SLC9A2: variants seen among roughly 807,000 people sequenced by gnomAD.
SLC9A2 encodes the protein sodium/hydrogen exchanger 2.
SLC9A2 carries 42 observed loss-of-function variants against 71.7 expected under a neutral mutation model. That is an observed-to-expected ratio of 0.59 (90% CI 0.46 to 0.76). The LOEUF is 0.76. SLC9A2 is among the 30% of genes least tolerant of loss of function. The pLI, the probability that SLC9A2 is intolerant of heterozygous loss-of-function variation, is 0.00. For synonymous variants in SLC9A2, 396 were observed against 392.5 expected (o/e 1.01, Z -0.10); for missense variants, 829 against 1,017.4 (o/e 0.81, Z 2.52).
At chr2:102,620,179 C>CG (rs753682039) in intron 1 of SLC9A2, 42 bp downstream of exon 1, 2 of 1,544,692 alleles carry the variant, frequency 1.3e-6, no homozygotes. Flanking sequence ...GGGGCGATCT[C>CG]GGGGGGACAC....
Position 102,657,843 on chromosome 2 carries a change from G to T in SLC9A2, c.569G>T (p.Gly190Val). 6.2e-7 allele frequency: 1 copy of T among 1,614,174 alleles called. No homozygotes were observed. Among genetic ancestry groups the T allele is most frequent in the East Asian group, 2.2e-5 (1 of 44,880 alleles). ...NSIGIGVSLF[G>V]ICQIEAFGLS... ...ATTGGCATTGGGGTGTCTTTGTTTG[G>T]TATCTGCCAGATCGAAGCATTCGGC... The change falls in exon 2 of 12, where the codon GGT (glycine) becomes GTT (valine). Residue 190 changes from glycine (G) to valine (V), a missense_variant. Transcript: ENST00000233969.
Position 102,619,689 on chromosome 2 carries a change from C to A in SLC9A2, c.-160C>A. ...GCGCCTGCTCGCAGCGAGGACCTAG[C>A]CCTCTGGTTGCAGAGACCCGGTGCC... On this transcript the variant is annotated 5_prime_UTR_variant, in exon 1 of 12. Coordinates refer to ENST00000233969, the MANE Select transcript of SLC9A2 (RefSeq NM_003048.6). The surrounding 1 kb of genome is among the most constrained non-coding windows in gnomAD (Gnocchi z 4.3). 3.6e-6 allele frequency: 2 copies of A among 560,136 alleles called. No individual in the cohort carries two copies. Among genetic ancestry groups the A allele is most frequent in the Non-Finnish European group, 5.8e-6 (2 of 346,058 alleles). 34.7% of individuals were successfully genotyped at this position (560,136 alleles called of 1,614,324 possible).
intron 1 of SLC9A2, among the ~76,000 whole-genome samples, chr2:102,634,567 C>G (rs1212671080): frequency 6.6e-6 from 1 of 152,116 alleles, no homozygotes; most frequent in Non-Finnish European, 1.5e-5. Context: ...TAGTATCATA[C>G]CATGAAAATC....
At chr2:102,666,068 G>A (rs1677131799) in intron 3 of SLC9A2, among the ~76,000 whole-genome samples, 1 of 152,082 alleles carries the variant, frequency 6.6e-6, no homozygotes, top group South Asian at 2.1e-4. Flanking sequence ...AATGGCTTAT[G>A]GATATTCATT....
intron 11 of SLC9A2, 75 bp from the exon 12 acceptor site, chr2:102,708,044 C>CAG (rs1678015851): frequency 6.7e-7 from 1 of 1,490,056 alleles, no homozygotes; most frequent in Non-Finnish European, 9.1e-7. Flanking sequence ...TTGCCTGACT[C>CAG]ACTAAGGTAC....
chr2:102,693,577 C>T (rs1379556519), intron 5 of SLC9A2, among the ~76,000 whole-genome samples: 3 of 152,214 alleles, frequency 2.0e-5, no homozygotes, highest in Non-Finnish European at 4.4e-5. Context: ...CGTGCCCAGA[C>T]TGGCCGCAAG....
At chr2:102,664,962 C>A in intron 2 of SLC9A2, 138 bp from the exon 3 acceptor site, 1 of 897,404 alleles carries the variant, frequency 1.1e-6, no homozygotes, top group Non-Finnish European at 1.7e-6. Context: ...CAAATGAATA[C>A]ACAATGATTG....
chr2:102,632,045 C>CACACATATATATAT (rs1558701317), intron 1 of SLC9A2, among the ~76,000 whole-genome samples: 2 of 97,106 alleles, frequency 2.1e-5, no homozygotes, highest in African/African-American at 8.0e-5. Flanking sequence ...TATACATACA[C>CACACATATATATAT]ACACACATAT....
chr2:102,708,425 G>A lies in SLC9A2; in HGVS notation c.2375G>A (p.Arg792Gln), dbSNP rs772017510. ...GGCATCCCGCCCAAGCCGCCACCAC[G>A]GCTGGTCTGGAGGGCATCGGAACCT... ...TEGIPPKPPP[R>Q]LVWRASEPGS... Residue 792 changes from arginine to glutamine, a missense_variant, in exon 12 of 12, where the codon CGG becomes CAG. This residue lies in a region of SLC9A2 where 223 missense variants were observed against 197.5 expected (regional missense o/e 1.13). Coordinates refer to ENST00000233969, the MANE Select transcript of SLC9A2 (RefSeq NM_003048.6). 5 of 1,614,094 alleles carry A rather than the reference G, an allele frequency of 3.1e-6. No homozygotes were observed. The highest frequency in any genetic ancestry group is 2.7e-5 in the African/African-American group (2 of 74,936).
rs531586799 is a variant in SLC9A2 at position 102,661,480 on chromosome 2, A to T, written c.753+3453A>T. 8.1e-4 allele frequency among the ~76,000 whole-genome samples: 123 copies of T among 152,288 alleles called. 2 individuals are homozygous for T. The South Asian group carries it at 0.018, about 22-fold the overall frequency. Reference sequence around the variant, plus strand: ...GTTCTAAAATTTCATATGCAAAATGATTATCCTGTATGTTTCATACAGGAA... The same window carrying T: ...GTTCTAAAATTTCATATGCAAAATGTTTATCCTGTATGTTTCATACAGGAA... On this transcript the variant is annotated intron_variant, in intron 2 of 11. Transcript: ENST00000233969.
intron 5 of SLC9A2, among the ~76,000 whole-genome samples, chr2:102,693,629 T>G (rs541098705): frequency 1.1e-4 from 16 of 152,326 alleles, no homozygotes; most frequent in Admixed American, 7.8e-4. Flanking sequence ...TGGTCTCCAC[T>G]GGGATATGCT....
rs549578488 is a variant in SLC9A2 at position 102,624,922 on chromosome 2, G to C, written c.289+4785G>C. ...TATCTGTCTGAATTACAGAGACTTT[G>C]ATCTCTGAAAAAAACTTATCCTTGC... On this transcript the variant is annotated intron_variant, in intron 1 of 11. Transcript: ENST00000233969. 1.3e-3 allele frequency among the ~76,000 whole-genome samples: 205 copies of C among 152,114 alleles called. 2 individuals are homozygous for C. Among genetic ancestry groups the C allele is most frequent in the Non-Finnish European group, 1.8e-3 (124 of 68,016 alleles).
At chr2:102,678,633 G>A (rs1677389522) in intron 3 of SLC9A2, among the ~76,000 whole-genome samples, 1 of 152,198 alleles carries the variant, frequency 6.6e-6, no homozygotes, top group African/African-American at 2.4e-5. Flanking sequence ...TCTTGATAGT[G>A]TGGTGGCACT....
intron 7 of SLC9A2, among the ~76,000 whole-genome samples, chr2:102,700,258 C>T (rs945477961): frequency 5.9e-5 from 9 of 152,088 alleles, no homozygotes; most frequent in Admixed American, 6.6e-5. Flanking sequence ...GGGGTTTGGC[C>T]GAGAGGTTGG....
intron 1 of SLC9A2, among the ~76,000 whole-genome samples, chr2:102,621,425 G>A (rs1343306844): frequency 2.7e-5 from 4 of 150,414 alleles, no homozygotes; most frequent in Non-Finnish European, 5.9e-5. Flanking sequence ...AGAAACCTCA[G>A]AATATATTTT....
intron 1 of SLC9A2, among the ~76,000 whole-genome samples, chr2:102,630,061 C>A (rs6745467): frequency 1.8e-4 from 28 of 152,058 alleles, no homozygotes; most frequent in Admixed American, 1.8e-3. Flanking sequence ...ATTCTAACTG[C>A]GTGTTTCAGA....
chr2:102,702,375 G>C lies in SLC9A2; in HGVS notation c.1749-31G>C, dbSNP rs779043741. 1.2e-5 allele frequency: 14 copies of C among 1,184,716 alleles called. No homozygotes were observed. The African/African-American group carries it at 2.0e-4, about 17-fold the overall frequency. 73.4% of individuals were successfully genotyped at this position (1,184,716 alleles called of 1,614,324 possible). A position where few individuals can be genotyped will look rare whatever the true frequency, so the allele number is the denominator to read the frequency against. Reference sequence around the variant, plus strand: ...TCAATGATTCTAATATTTGTTGAAAGGTAAAATATTCTTTTTCTAAACTTT... The same window carrying C: ...TCAATGATTCTAATATTTGTTGAAACGTAAAATATTCTTTTTCTAAACTTT... On this transcript the variant is annotated intron_variant, in intron 8 of 11. Coordinates refer to ENST00000233969, the MANE Select transcript of SLC9A2 (RefSeq NM_003048.6).
chr2:102,645,534 C>T (rs1676704286), intron 1 of SLC9A2, among the ~76,000 whole-genome samples: 1 of 151,988 alleles, frequency 6.6e-6, no homozygotes, highest in Admixed American at 6.6e-5. Flanking sequence ...TAACCCAATG[C>T]AAGGAAGCTA....
At chr2:102,646,959 G>A (rs1421900010) in intron 1 of SLC9A2, among the ~76,000 whole-genome samples, 3 of 151,934 alleles carry the variant, frequency 2.0e-5, no homozygotes, top group Non-Finnish European at 2.9e-5. Flanking sequence ...TCTGGGCAAA[G>A]CAGACCTAAT....
Sources: gnomAD v4.1 joint callset for allele counts (sites outside exome capture counted in the v4.1 genomes callset) on GRCh38, gnomAD v4.1.1 for gene constraint, gnomAD v4.1.1 regional missense constraint, Gnocchi (gnomAD v3.1) non-coding constraint, MANE v1.5 for transcripts, NCBI Gene and HGNC (gene_info 2026-07-23, HGNC 2026-07-21) for gene names.